Variants in ZXDC observed in about 807,000 individuals in gnomAD.
The protein encoded by ZXDC is ZXD family zinc finger C.
A neutral mutation model predicts 63.6 loss-of-function variants in ZXDC; 58 were observed. That is an observed-to-expected ratio of 0.91 (90% CI 0.74 to 1.13). ZXDC has a LOEUF of 1.13. Among genes scored for constraint, ZXDC ranks in the 50% most tolerant of loss-of-function variants. ZXDC has a pLI of 0.00. For synonymous variants in ZXDC, 561 were observed against 496.1 expected, an observed-to-expected ratio of 1.13 and a Z score of -1.74; for missense variants, 1,133 against 1,148.9, an observed-to-expected ratio of 0.99 and a Z score of 0.20.
chr3:126,441,200 AG>A (rs1933661612), intron 8 of ZXDC: 2 of 985,662 alleles, frequency 2.0e-6, no homozygotes, highest in South Asian at 4.7e-5. Flanking sequence ...CCACAGCTGC[AG>A]GTATCTGTGG....
intron 9 of ZXDC, among the ~76,000 whole-genome samples, chr3:126,439,086 TTC>T (rs1344911695): frequency 6.6e-6 from 1 of 152,212 alleles, no homozygotes; most frequent in African/African-American, 2.4e-5. Context: ...CCACCAGTGC[TTC>T]TGTCCAAGTT....
At chr3:126,450,553 C>G (rs1461195657) in intron 7 of ZXDC, 1 of 456,662 alleles carries the variant, frequency 2.2e-6, no homozygotes, top group Non-Finnish European at 4.4e-6. Context: ...GACTAGAAAT[C>G]TCTTCCAGAA....
chr3:126,440,270 T>G lies in ZXDC; in HGVS notation c.2395-543A>C, dbSNP rs994175656. 13 of 989,366 alleles carry G rather than the reference T, an allele frequency of 1.3e-5. No homozygotes were observed. In the East Asian group the frequency reaches 1.0e-3, roughly 78 times the overall value. 61.3% of individuals were successfully genotyped at this position (989,366 alleles called of 1,614,324 possible). A position where few individuals can be genotyped will look rare whatever the true frequency, so the allele number is the denominator to read the frequency against. On this transcript the variant is annotated intron_variant, in intron 8 of 9. Coordinates refer to ENST00000389709, the MANE Select transcript of ZXDC (RefSeq NM_025112.5). Reference sequence around the variant, plus strand: ...ACACTTCGCCTGTCCTGCACCTGCATGTCCGCCCATGGCCATTCACACCCC... The same window carrying G: ...ACACTTCGCCTGTCCTGCACCTGCAGGTCCGCCCATGGCCATTCACACCCC...
intron 5 of ZXDC, 102 bp from the exon 6 acceptor site, chr3:126,462,322 T>C: frequency 1.2e-5 from 17 of 1,468,120 alleles, no homozygotes; most frequent in Non-Finnish European, 1.5e-5. Flanking sequence ...AAGGAAGCAC[T>C]GACTGTCCTC....
chr3:126,453,820 G>C, intron 7 of ZXDC: 7 of 979,374 alleles, frequency 7.1e-6, no homozygotes, highest in Non-Finnish European at 6.1e-6. Flanking sequence ...TCAGCCTCCT[G>C]AGTAGCTGAG....
In ZXDC at chr3:126,475,668, G is replaced by C. The variant is rs1371755928; in HGVS notation, c.198C>G (p.Ala66=). The change falls in exon 1 of 10, where the codon GCC becomes GCG. Residue 66 remains alanine, a synonymous_variant. Transcript: ENST00000389709. ...AAGAGTCGCCGTCGCTGTCGTCCTC[G>C]GCGGGCGGCGGGCTTGGCCCGGAGG... ...GEASGPSPPP[A]EDDSDGDSFL... is the part of the protein sequence containing the mutation. 1.4e-6 allele frequency: 2 copies of C among 1,414,700 alleles called. No homozygotes were observed. Among genetic ancestry groups the C allele is most frequent in the Non-Finnish European group, 9.3e-7 (1 of 1,080,382 alleles). The allele number at this position is 1,414,700 out of a possible 1,614,324, so 87.6% of individuals were successfully genotyped here. A position where few individuals can be genotyped will look rare whatever the true frequency, so the allele number is the denominator to read the frequency against.
intron 4 of ZXDC, among the ~76,000 whole-genome samples, chr3:126,470,578 G>A (rs1422048497): frequency 1.3e-5 from 2 of 152,162 alleles, no homozygotes; most frequent in African/African-American, 2.4e-5. Flanking sequence ...TACTGAGTCC[G>A]AGCTCCATGC....
chr3:126,475,130 C>G lies in ZXDC; in HGVS notation c.736G>C (p.Gly246Arg), dbSNP rs775859737. 2 of 1,609,920 alleles carry G rather than the reference C, an allele frequency of 1.2e-6. No homozygotes were observed. Among genetic ancestry groups the G allele is most frequent in the Non-Finnish European group, 1.7e-6 (2 of 1,178,184 alleles). ...RPFGCPVGGC[G>R]KKFTTVYNLK... ...TTATAGACCGTAGTGAACTTCTTGC[C>G]ACAGCCGCCCACTGGACAGCCGAAG... The change falls in exon 1 of 10, where the codon GGC (glycine) becomes CGC (arginine). Residue 246 changes from glycine to arginine, a missense_variant. By Grantham distance (125) the Gly-to-Arg change is moderately radical. Transcript: ENST00000389709.
At chr3:126,469,208 C>T (rs574983189) in intron 4 of ZXDC, among the ~76,000 whole-genome samples, 11 of 152,174 alleles carry the variant, frequency 7.2e-5, no homozygotes, top group Non-Finnish European at 1.5e-4. Flanking sequence ...AACTACACTA[C>T]CCTGACTCTC....
Position 126,475,719 on chromosome 3 carries a change from G to C in ZXDC, c.147C>G (p.Gly49=), listed in dbSNP as rs778552194. ...CCTCCCCGGGCCGCGCCCCGGGCCC[G>C]CCATCTTCAGGGCCCCGCACCAGTA... The part of the protein sequence containing the change: ...RLLLVRGPED[G]GPGARPGEAS... Residue 49 remains glycine (G), a synonymous_variant, in exon 1 of 10, where the codon GGC becomes GGG. Transcript: ENST00000389709. 1.8e-5 allele frequency: 23 copies of C among 1,266,338 alleles called. No individual in the cohort carries two copies. The highest frequency in any genetic ancestry group is 2.2e-5 in the Non-Finnish European group (22 of 1,007,268). 78.4% of individuals were successfully genotyped at this position (1,266,338 alleles called of 1,614,324 possible).
intron 8 of ZXDC, chr3:126,440,941 C>T (rs1576658116): frequency 1.0e-6 from 1 of 985,742 alleles, no homozygotes; most frequent in Non-Finnish European, 1.2e-6. Context: ...CCAGCGTCAC[C>T]TCCACCCTCC....
At position 126,438,279 on chromosome 3, in the gene ZXDC, G is replaced by A. The variant is rs867725660; in HGVS notation, c.*96C>T. The A allele has an allele frequency of 1.4e-5, 15 of 1,062,032 alleles. No individual in the cohort carries two copies. The highest frequency in any genetic ancestry group is 2.0e-5 in the Non-Finnish European group (14 of 703,240). 65.8% of individuals were successfully genotyped at this position (1,062,032 alleles called of 1,614,324 possible). A position where few individuals can be genotyped will look rare whatever the true frequency, so the allele number is the denominator to read the frequency against. On this transcript the variant is annotated 3_prime_UTR_variant, in exon 10 of 10. Coordinates refer to ENST00000389709, the MANE Select transcript of ZXDC (RefSeq NM_025112.5). ...AAAGGGCTACGCTGGTCTTCTGAAC[G>A]GAAACCAAATGAGGTCTCCCCAGGC...
intron 6 of ZXDC, chr3:126,461,083 T>C (rs1173684268): frequency 6.7e-6 from 4 of 592,942 alleles, no homozygotes; most frequent in Non-Finnish European, 8.4e-6. Flanking sequence ...AACCCCACCC[T>C]TTTTTTTTTT....
chr3:126,438,161 T>G lies in ZXDC; in HGVS notation c.*214A>C. ...AGACCCTTGCCTTGCCAAAGCACTT[T>G]GCTCACAAAGGCAGTTTCAAAGAGT... On this transcript the variant is annotated 3_prime_UTR_variant, in exon 10 of 10. Transcript: ENST00000389709. The G allele has an allele frequency of 1.7e-6, 1 of 589,626 alleles. No homozygotes were observed. Among genetic ancestry groups the G allele is most frequent in the Non-Finnish European group, 3.0e-6 (1 of 330,048 alleles). 36.5% of individuals were successfully genotyped at this position (589,626 alleles called of 1,614,324 possible).
chr3:126,469,913 G>C (rs892418427), intron 4 of ZXDC, among the ~76,000 whole-genome samples: 2 of 152,134 alleles, frequency 1.3e-5, no homozygotes. Flanking sequence ...GCTTTAAATG[G>C]GTCTTTATTA....
chr3:126,470,748 T>A (rs1934949805), intron 4 of ZXDC, 147 bp downstream of exon 4: 7 of 1,132,536 alleles, frequency 6.2e-6, no homozygotes, highest in Non-Finnish European at 8.7e-6. Context: ...TACAATTAAC[T>A]CAATGAGGTA....
chr3:126,445,983 G>A (rs971252773), intron 7 of ZXDC, among the ~76,000 whole-genome samples: 2 of 152,146 alleles, frequency 1.3e-5, no homozygotes, highest in Admixed American at 6.5e-5. Context: ...ACGTCCTCAC[G>A]ATAACCATGA....
intron 7 of ZXDC, chr3:126,452,452 T>C: frequency 2.0e-6 from 2 of 985,310 alleles, no homozygotes; most frequent in Non-Finnish European, 2.4e-6. Context: ...CTGTTGCCAC[T>C]CTCGTTCCTA....
Position 126,458,504 on chromosome 3 carries a change from C to G in ZXDC, c.2212+1149G>C, listed in dbSNP as rs190296722. 7,650 of 831,802 alleles carry G rather than the reference C, an allele frequency of 9.2e-3. 46 individuals carry two copies. Among genetic ancestry groups the G allele is most frequent in the Non-Finnish European group, 0.01 (7,062 of 690,084 alleles). The allele number at this position is 831,802 out of a possible 1,614,324, so 51.5% of individuals were successfully genotyped here. On this transcript the variant is annotated intron_variant, in intron 7 of 9. Transcript: ENST00000389709. ...CCACCCACCTCGGCCTCCCAAAGTG[C>G]TGGGATTACAGGTATGAGCCACCGC...
Sources: allele counts gnomAD v4.1 joint callset (sites outside exome capture counted in the v4.1 genomes callset), GRCh38; gene constraint gnomAD v4.1.1; transcripts MANE v1.5; gene names NCBI Gene and HGNC (gene_info 2026-07-23, HGNC 2026-07-21).